SAMD4B: variants seen among roughly 807,000 people sequenced by gnomAD.
SAMD4B encodes protein Smaug homolog 2.
A neutral mutation model predicts 74.5 loss-of-function variants in SAMD4B; 5 were observed. The ratio of observed to expected loss-of-function variants is 0.07; its 90% CI spans 0.04 to 0.14. SAMD4B has a LOEUF of 0.14. SAMD4B is among the 10% of genes least tolerant of loss of function. The pLI, the probability that SAMD4B is intolerant of heterozygous loss-of-function variation, is 1.00. For synonymous variants in SAMD4B, 373 were observed against 374.9 expected (o/e 1.00, Z 0.06); for missense variants, 608 against 921.8 (o/e 0.66, Z 4.41).
chr19:39,389,654 CGGTA>C, downstream of SAMD4B: 1 of 1,614,170 alleles, frequency 6.2e-7, no homozygotes, highest in Non-Finnish European at 8.5e-7. The surrounding 1 kb of genome is among the most constrained non-coding windows in gnomAD (Gnocchi z 5.3). Context: ...GGGGTCGATG[CGGTA>C]GGTGTCAGGA....
chr19:39,388,333 G>A (rs2078299109), downstream of SAMD4B: 4 of 1,613,920 alleles, frequency 2.5e-6, no homozygotes, highest in Non-Finnish European at 2.5e-6. Flanking sequence ...GGAGTGTGCT[G>A]AGTACCTGGT....
Position 39,381,043 on chromosome 19 carries a change from C to T in SAMD4B, c.1902C>T (p.Arg634=), listed in dbSNP as rs2077949663. 8.1e-6 allele frequency: 13 copies of T among 1,613,102 alleles called. No homozygotes were observed. Among genetic ancestry groups the T allele is most frequent in the South Asian group, 1.1e-5 (1 of 90,998 alleles). The change falls in exon 12 of 14, where the codon CGC becomes CGT. Residue 634 remains arginine (R), a synonymous_variant. Transcript: ENST00000610417. ...GCAACAGCATGCCCAGTCAGAGCCG[C>T]AGCTCTGTGCAGCGCACCCACTCGC... ...GGSNSMPSQS[R]SSVQRTHSLP...
chr19:39,366,932 G>C (rs914877496), intron 3 of SAMD4B, among the ~76,000 whole-genome samples: 4 of 152,134 alleles, frequency 2.6e-5, no homozygotes, highest in African/African-American at 9.7e-5. Context: ...TGTGCCTTTA[G>C]AATCTCTGTG....
intron 1 of SAMD4B, among the ~76,000 whole-genome samples, chr19:39,349,288 A>C (rs1198294698): frequency 1.3e-5 from 2 of 152,208 alleles, no homozygotes; most frequent in Non-Finnish European, 2.9e-5. Flanking sequence ...TTACATGCCT[A>C]AGTGAGAGAA....
chr19:39,366,910 A>G (rs922174409), intron 3 of SAMD4B, among the ~76,000 whole-genome samples: 6 of 152,166 alleles, frequency 3.9e-5, no homozygotes, highest in Non-Finnish European at 5.9e-5. Context: ...TCCTGGGCCC[A>G]GAGATTTGGC....
chr19:39,368,192 C>T (rs1192024135), intron 3 of SAMD4B, among the ~76,000 whole-genome samples: 3 of 151,872 alleles, frequency 2.0e-5, no homozygotes, highest in East Asian at 1.9e-4. Context: ...CCAGCCTGGG[C>T]GACAGAGCGA....
chr19:39,387,153 A>C (rs2078270339), downstream of SAMD4B: 5 of 430,598 alleles, frequency 1.2e-5, no homozygotes, highest in Non-Finnish European at 2.3e-5. Flanking sequence ...ATAGCCTACT[A>C]CATACCTAGG....
chr19:39,376,556 A>G lies in SAMD4B; in HGVS notation c.1017+10A>G. The G allele has an allele frequency of 3.1e-6, 5 of 1,610,202 alleles. No homozygotes were observed. The highest frequency in any genetic ancestry group is 4.2e-6 in the Non-Finnish European group (5 of 1,177,120). On this transcript the variant is annotated intron_variant, in intron 6 of 13. Transcript: ENST00000610417. ...GCACCTGGAGTCTCAGGTGAAGCCA[A>G]GGGGACCATCAGGGAGGTGCTGGGG...
rs1056711840 is a variant in SAMD4B at position 39,356,822 on chromosome 19, A to G, written c.-72A>G. The G allele has an allele frequency of 3.9e-5, 52 of 1,337,860 alleles. No homozygotes were observed. The Admixed American group carries it at 1.3e-3, about 33-fold the overall frequency. 82.9% of individuals were successfully genotyped at this position (1,337,860 alleles called of 1,614,324 possible). A position where few individuals can be genotyped will look rare whatever the true frequency, so the allele number is the denominator to read the frequency against. ...CTCAGGGGAAAGGTAACAGGAGGCC[A>G]GAGCCGGGACCATGTGACGGCGCTG... On this transcript the variant is annotated 5_prime_UTR_variant, in exon 3 of 14. Transcript: ENST00000610417.
Position 39,375,995 on chromosome 19 carries a change from G to C in SAMD4B, c.907+106G>C. On this transcript the variant is annotated intron_variant, in intron 5 of 13. Coordinates refer to ENST00000610417, the MANE Select transcript of SAMD4B (RefSeq NM_001384574.2). The surrounding 1 kb of genome is among the most constrained non-coding windows in gnomAD (Gnocchi z 4.1). ...ACACCTGCTTACCCCTCTGAGGAGG[G>C]GACATGTCTGAGGGGAGTAGATAGT... 6.9e-7 allele frequency: 1 copy of C among 1,443,694 alleles called. No homozygotes were observed. Among genetic ancestry groups the C allele is most frequent in the Admixed American group, 2.0e-5 (1 of 49,098 alleles). 89.4% of individuals were successfully genotyped at this position (1,443,694 alleles called of 1,614,324 possible).
downstream of SAMD4B, chr19:39,389,597 C>A: frequency 6.2e-7 from 1 of 1,614,178 alleles, no homozygotes; most frequent in Non-Finnish European, 8.5e-7. This position sits in a 1 kb window ranked among gnomAD's most constrained non-coding sequence, Gnocchi z 5.3. Flanking sequence ...CAGGCCTGAG[C>A]CTTTGCTGAC....
At position 39,378,407 on chromosome 19, in the gene SAMD4B, T is replaced by C. The variant is rs73547916; in HGVS notation, c.1445-97T>C. 29 of 1,014,406 alleles carry C rather than the reference T, an allele frequency of 2.9e-5. No homozygotes were observed. In the African/African-American group the frequency reaches 3.2e-4, roughly 11 times the overall value. The allele number at this position is 1,014,406 out of a possible 1,614,324, so 62.8% of individuals were successfully genotyped here. A position where few individuals can be genotyped will look rare whatever the true frequency, so the allele number is the denominator to read the frequency against. ...ATAGTTGATATTCATCCAGCCTGAG[T>C]CTCCTGTTCCTTCTTGTGCACGAGC... On this transcript the variant is annotated intron_variant, in intron 8 of 13. Transcript: ENST00000610417. The surrounding 1 kb of genome is among the most constrained non-coding windows in gnomAD (Gnocchi z 4.4).
intron 10 of SAMD4B, 145 bp downstream of exon 10, chr19:39,380,229 C>G: frequency 1.5e-6 from 1 of 661,920 alleles, no homozygotes; most frequent in African/African-American, 1.8e-5. Flanking sequence ...AAAATTTCCA[C>G]TAGAATAGGA....
Position 39,376,431 on chromosome 19 carries a change from C to G in SAMD4B, c.908-6C>G, listed in dbSNP as rs768473195. 6.2e-7 allele frequency: 1 copy of G among 1,608,456 alleles called. No individual in the cohort carries two copies. Among genetic ancestry groups the G allele is most frequent in the South Asian group, 1.1e-5 (1 of 91,006 alleles). On this transcript the variant is annotated splice_region_variant and splice_polypyrimidine_tract_variant and intron_variant, in intron 5 of 13. Coordinates refer to ENST00000610417, the MANE Select transcript of SAMD4B (RefSeq NM_001384574.2). The stretch of plus-strand genomic sequence containing the variant: ...CTGACCTTTCACTCTCCCTCCTTTG[C>G]CAAAGATGTGCCCTCATGGCTCAAG...
At chr19:39,352,764 G>A (rs555705842) in intron 1 of SAMD4B, among the ~76,000 whole-genome samples, 2 of 151,756 alleles carry the variant, frequency 1.3e-5, no homozygotes, top group South Asian at 2.1e-4. Context: ...GTGGGTGGAG[G>A]GGGGGAACAG....
intron 11 of SAMD4B, 70 bp from the exon 12 acceptor site, chr19:39,380,920 C>T: frequency 6.5e-7 from 1 of 1,543,898 alleles, no homozygotes; most frequent in South Asian, 1.3e-5. Context: ...AGGCCTGTAC[C>T]ACCTCCACCA....
In SAMD4B at chr19:39,378,842, T is replaced by C. The variant is rs2077766190; in HGVS notation, c.1530+253T>C. 6.6e-6 allele frequency among the ~76,000 whole-genome samples: 1 copy of C among 152,186 alleles called. No homozygotes were observed. The highest frequency in any genetic ancestry group is 2.1e-4 in the South Asian group (1 of 4,830). ...TGGCGTGAACCCGGCAGGTGGAGCT[T>C]GTGGTGAGCCAAGATCGCGCCACTG... On this transcript the variant is annotated intron_variant, in intron 9 of 13. Transcript: ENST00000610417. The surrounding 1 kb of genome is among the most constrained non-coding windows in gnomAD (Gnocchi z 4.4).
intron 1 of SAMD4B, among the ~76,000 whole-genome samples, chr19:39,343,939 G>T (rs565216884): frequency 6.8e-6 from 1 of 148,098 alleles, no homozygotes; most frequent in Non-Finnish European, 1.5e-5. Context: ...CTGTAAGACC[G>T]TAAGATTCTC....
At chr19:39,382,116 C>T (rs1331658309) in intron 12 of SAMD4B, among the ~76,000 whole-genome samples, 1 of 152,176 alleles carries the variant, frequency 6.6e-6, no homozygotes, top group South Asian at 2.1e-4. Flanking sequence ...GAATTCATGT[C>T]ATAAACTGCC....
Sources: allele counts gnomAD v4.1 joint callset (sites outside exome capture counted in the v4.1 genomes callset), GRCh38; gene constraint gnomAD v4.1.1; non-coding constraint Gnocchi (gnomAD v3.1); transcripts MANE v1.5; gene names NCBI Gene and HGNC (gene_info 2026-07-23, HGNC 2026-07-21).